Variants in HMG20A observed in about 807,000 individuals in gnomAD.
The protein encoded by HMG20A is high mobility group 20A.
HMG20A carries 17 observed loss-of-function variants against 43.9 expected under a neutral mutation model. That is an observed-to-expected ratio of 0.39 (90% confidence interval 0.27 to 0.58). The LOEUF (loss-of-function observed/expected upper bound fraction) is 0.58, where lower values mean the gene tolerates loss of function less well. HMG20A is among the 20% of genes least tolerant of loss of function. The pLI, the probability that HMG20A is intolerant of heterozygous loss-of-function variation, is 0.59. For synonymous variants in HMG20A, 132 were observed against 147.5 expected (o/e 0.89, Z 0.76); for missense variants, 341 against 438.2 (o/e 0.78, Z 1.98).
chr15:77,466,297 C>T (rs1051708447), intron 3 of HMG20A, among the ~76,000 whole-genome samples: 1 of 152,168 alleles, frequency 6.6e-6, no homozygotes, highest in Non-Finnish European at 1.5e-5. Context: ...AGGAGAATCA[C>T]TTGAACCTGG....
At chr15:77,464,507 C>A in intron 3 of HMG20A, 120 bp downstream of exon 3, 2 of 929,872 alleles carry the variant, frequency 2.2e-6, no homozygotes, top group Non-Finnish European at 3.2e-6. Flanking sequence ...CTGATACCTG[C>A]AAAATTTTGT....
intron 1 of HMG20A, among the ~76,000 whole-genome samples, chr15:77,445,584 T>C (rs951510515): frequency 3.9e-5 from 6 of 152,362 alleles, no homozygotes; most frequent in East Asian, 1.9e-4. Context: ...TTTTTTTCCT[T>C]TTGTTAAGTT....
chr15:77,425,941 A>G (rs377469453), intron 1 of HMG20A, among the ~76,000 whole-genome samples: 2 of 152,352 alleles, frequency 1.3e-5, no homozygotes, highest in African/African-American at 4.8e-5. Context: ...TTCAGCAACA[A>G]AGAGAAACAA....
chr15:77,473,647 A>C (rs1567406105), intron 6 of HMG20A, among the ~76,000 whole-genome samples: 2 of 152,244 alleles, frequency 1.3e-5, no homozygotes, highest in Admixed American at 6.5e-5. Context: ...TGTATCATAG[A>C]ACCTGCTGCT....
At chr15:77,510,813 G>C in the HMG20A span, among the ~76,000 whole-genome samples, 1 of 152,366 alleles carries the variant, frequency 6.6e-6, no homozygotes, top group East Asian at 1.9e-4. Flanking sequence ...CACTGGAGCA[G>C]ATGGGGCTGT....
chr15:77,424,040 T>A (rs1177769054), intron 1 of HMG20A, among the ~76,000 whole-genome samples: 2 of 152,214 alleles, frequency 1.3e-5, no homozygotes, highest in African/African-American at 4.8e-5. Flanking sequence ...ATTCATATTC[T>A]ACTGTAGTTT....
At chr15:77,473,473 A>G (rs1403018238) in intron 6 of HMG20A, among the ~76,000 whole-genome samples, 1 of 152,234 alleles carries the variant, frequency 6.6e-6, no homozygotes, top group East Asian at 1.9e-4. Flanking sequence ...GAATTTGGAC[A>G]GTAACCTGAA....
At chr15:77,446,546 G>A (rs1007107739) in intron 1 of HMG20A, among the ~76,000 whole-genome samples, 4 of 152,150 alleles carry the variant, frequency 2.6e-5, no homozygotes, top group Admixed American at 6.5e-5. Flanking sequence ...GGTGGCTCAC[G>A]CCTGTAATCC....
chr15:77,481,822 G>A (rs1425445606), intron 9 of HMG20A, among the ~76,000 whole-genome samples: 1 of 152,192 alleles, frequency 6.6e-6, no homozygotes, highest in African/African-American at 2.4e-5. Flanking sequence ...CAAAGACTGT[G>A]ATTAATACTG....
the HMG20A span, among the ~76,000 whole-genome samples, chr15:77,512,609 AC>A: frequency 6.6e-6 from 1 of 152,114 alleles, no homozygotes; most frequent in Admixed American, 6.5e-5. Flanking sequence ...TAGAATGCAA[AC>A]TAATAAATGT....
chr15:77,438,170 G>T (rs542396962), intron 1 of HMG20A, among the ~76,000 whole-genome samples: 2 of 137,568 alleles, frequency 1.5e-5, no homozygotes, highest in South Asian at 4.5e-4. Context: ...TTAGAGACAG[G>T]ATCTGGCTAT....
intron 1 of HMG20A, among the ~76,000 whole-genome samples, chr15:77,423,378 T>G (rs1333204899): frequency 6.6e-6 from 1 of 151,390 alleles, no homozygotes; most frequent in Non-Finnish European, 1.5e-5. Context: ...CCTCCAAAGG[T>G]TTTTTTTTCT....
chr15:77,428,982 G>C (rs1029666549), intron 1 of HMG20A, among the ~76,000 whole-genome samples: 2 of 151,686 alleles, frequency 1.3e-5, no homozygotes, highest in African/African-American at 4.8e-5. Flanking sequence ...AAAAAAGGAG[G>C]GGGGAGCCTC....
At position 77,478,431 on chromosome 15, in the gene HMG20A, C is replaced by G. The variant is rs745332040; in HGVS notation, c.828C>G (p.Ser276Arg). ...AGGTGGATGTGATCCAGGAGCGGAG[C>G]CGCAACACAGTCTTACAGCAGCACC... ...KLEVDVIQER[S>R]RNTVLQQHLE... The change falls in exon 8 of 10, where the codon AGC becomes AGG. Residue 276 changes from serine (S) to arginine (R), a missense_variant. Physicochemically the swap from Ser to Arg is moderately radical, Grantham distance 110. This residue lies in a region of HMG20A where 118 missense variants were observed against 154.5 expected (regional missense o/e 0.76). Transcript: ENST00000336216. 1.9e-6 allele frequency: 3 copies of G among 1,612,626 alleles called. No homozygotes were observed. The African/African-American group carries it at 4.0e-5, about 22-fold the overall frequency.
intron 3 of HMG20A, among the ~76,000 whole-genome samples, chr15:77,465,614 CGA>C (rs1004643228): frequency 1.1e-4 from 17 of 151,946 alleles, no homozygotes; most frequent in African/African-American, 4.1e-4. Context: ...AGGCTGGTCT[CGA>C]AATTCTGACC....
intron 2 of HMG20A, among the ~76,000 whole-genome samples, chr15:77,458,857 C>A (rs535625629): frequency 3.3e-4 from 50 of 152,212 alleles, no homozygotes; most frequent in African/African-American, 1.2e-3. Context: ...AGTTTTTTCC[C>A]AAAGATCAGA....
At chr15:77,471,675 G>A (rs1371918243) in intron 5 of HMG20A, 108 bp from the exon 6 acceptor site, 1 of 715,684 alleles carries the variant, frequency 1.4e-6, no homozygotes, top group Non-Finnish European at 2.4e-6. Context: ...TATGTTATGA[G>A]AATCTACATA....
chr15:77,470,624 T>A, intron 4 of HMG20A, among the ~76,000 whole-genome samples: 1 of 152,234 alleles, frequency 6.6e-6, no homozygotes, highest in East Asian at 1.9e-4. Flanking sequence ...TCTAATCATC[T>A]TCATGAATTT....
At chr15:77,508,462 G>A in the HMG20A span, among the ~76,000 whole-genome samples, 2 of 152,212 alleles carry the variant, frequency 1.3e-5, no homozygotes, top group African/African-American at 2.4e-5. Context: ...TAGTGAGTGT[G>A]AGCCCATTCA....
Sources: allele counts gnomAD v4.1 joint callset (sites outside exome capture counted in the v4.1 genomes callset), GRCh38; gene constraint gnomAD v4.1.1; regional missense constraint gnomAD v4.1.1; transcripts MANE v1.5; gene names NCBI Gene and HGNC (gene_info 2026-07-23, HGNC 2026-07-21).